Variants in CRACR2A observed in about 807,000 individuals in gnomAD.
CRACR2A encodes EF-hand calcium-binding domain-containing protein 4B.
CRACR2A carries 79 observed loss-of-function variants against 90.5 expected under a neutral mutation model. The observed-to-expected ratio is 0.87, with a 90% CI of 0.73 to 1.05. CRACR2A has a LOEUF of 1.05. Among genes scored for constraint, CRACR2A ranks in the 50% least tolerant of loss-of-function variants. CRACR2A has a pLI of 0.00. For missense variants in CRACR2A, 823 were observed against 897.2 expected (o/e 0.92, Z 1.06); for synonymous variants, 338 against 356.7 (o/e 0.95, Z 0.59).
At chr12:3,697,962 C>T (rs545295444) in intron 3 of CRACR2A, among the ~76,000 whole-genome samples, 10 of 152,318 alleles carry the variant, frequency 6.6e-5, no homozygotes, top group Non-Finnish European at 1.5e-4. Flanking sequence ...CTGGACTCCA[C>T]TGCTGCTTAT....
At chr12:3,673,649 C>A (rs1279805014) in intron 6 of CRACR2A, 57 bp from the exon 7 acceptor site, 1 of 1,578,830 alleles carries the variant, frequency 6.3e-7, no homozygotes, top group African/African-American at 1.4e-5. Context: ...ACGGGAAATA[C>A]AGAGGTTCCC....
chr12:3,625,366 CTCT>C (rs1182526967), intron 17 of CRACR2A, among the ~76,000 whole-genome samples: 4 of 151,796 alleles, frequency 2.6e-5, no homozygotes, highest in African/African-American at 7.3e-5. Flanking sequence ...ACTGTTCCAC[CTCT>C]TCTTCTAGAT....
chr12:3,738,557 G>T (rs2137886758), intron 1 of CRACR2A, among the ~76,000 whole-genome samples: 1 of 152,202 alleles, frequency 6.6e-6, no homozygotes. Flanking sequence ...ACAGTAAACT[G>T]GAAGCTGGGT....
At chr12:3,685,077 G>A (rs1231442450) in intron 4 of CRACR2A, among the ~76,000 whole-genome samples, 3 of 152,208 alleles carry the variant, frequency 2.0e-5, no homozygotes, top group Admixed American at 6.5e-5. Context: ...CCTCAGCATG[G>A]GCTGGAACCT....
intron 6 of CRACR2A, 133 bp downstream of exon 6, chr12:3,678,782 G>T: frequency 1.1e-6 from 1 of 893,840 alleles, no homozygotes; most frequent in Non-Finnish European, 1.6e-6. Flanking sequence ...CAGAACCAGC[G>T]GGCCTTTACC....
Position 3,641,616 on chromosome 12 carries a change from A to T in CRACR2A, c.1271+116T>A, listed in dbSNP as rs1041536556. The T allele has an allele frequency of 1.6e-5, 13 of 796,438 alleles. No individual in the cohort carries two copies. The African/African-American group carries it at 2.2e-4, about 14-fold the overall frequency. 49.3% of individuals were successfully genotyped at this position (796,438 alleles called of 1,614,324 possible). On this transcript the variant is annotated intron_variant, in intron 13 of 19. Coordinates refer to ENST00000440314, the MANE Select transcript of CRACR2A (RefSeq NM_001144958.2). ...TCCAAGATTTGAGGGGAGTGAGTGCAGCTGACCTCAGTTTCCGCACCTCTC... is the reference window on the plus strand; with the variant it reads ...TCCAAGATTTGAGGGGAGTGAGTGCTGCTGACCTCAGTTTCCGCACCTCTC...
In CRACR2A at chr12:3,633,551, A is replaced by T; in HGVS notation, c.1735+53T>A. The T allele has an allele frequency of 6.5e-7, 1 of 1,548,736 alleles. No homozygotes were observed. The highest frequency in any genetic ancestry group is 8.7e-7 in the Non-Finnish European group (1 of 1,145,100). On this transcript the variant is annotated intron_variant, in intron 15 of 19. Transcript: ENST00000440314. This position sits in a 1 kb window ranked among gnomAD's most constrained non-coding sequence, Gnocchi z 4.5. ...TCCCTGCCCCGGGCCCCCTTCTCAC[A>T]AACTCCCTTCCCAAAGATGGGCCTA... is the stretch of plus-strand genomic sequence containing the variant.
At chr12:3,638,993 G>A (rs184778409) in intron 13 of CRACR2A, among the ~76,000 whole-genome samples, 19 of 152,154 alleles carry the variant, frequency 1.2e-4, no homozygotes, top group Non-Finnish European at 2.1e-4. Context: ...GCTGTAAAAC[G>A]TGGCCCATCT....
intron 11 of CRACR2A, among the ~76,000 whole-genome samples, chr12:3,646,999 G>A (rs752392682): frequency 5.9e-5 from 9 of 152,200 alleles, no homozygotes; most frequent in Non-Finnish European, 1.2e-4. Flanking sequence ...GGTCACACAA[G>A]CTAATGAGAG....
intron 4 of CRACR2A, among the ~76,000 whole-genome samples, chr12:3,690,739 G>A (rs1329539414): frequency 1.3e-5 from 2 of 152,170 alleles, no homozygotes; most frequent in African/African-American, 4.8e-5. Context: ...TCATTGATCT[G>A]TCTAATACTG....
intron 7 of CRACR2A, among the ~76,000 whole-genome samples, chr12:3,666,695 C>T (rs183770086): frequency 6.6e-6 from 1 of 152,366 alleles, no homozygotes; most frequent in Non-Finnish European, 1.5e-5. Flanking sequence ...ACTGGAGCTC[C>T]AGCTAACGGC....
At chr12:3,717,084 C>T (rs736746) in intron 2 of CRACR2A, among the ~76,000 whole-genome samples, 20,722 of 151,976 alleles carry the variant, frequency 0.14, 1,605 homozygotes, top group Admixed American at 0.23. Flanking sequence ...TTCTGTGGAG[C>T]GAGTGGGATT....
chr12:3,673,573 G>A lies in CRACR2A; in HGVS notation c.544C>T (p.Leu182Phe), dbSNP rs757430649. ...VLEDESDVKQ[L>F]WLQLKKEEPH... ...TCCTCCTTCTTCAGCTGCAACCAGA[G>A]CTGCTTGACATCACTTTCACTGCAA... Residue 182 changes from leucine (L) to phenylalanine (F), a missense_variant, in exon 7 of 20, where the codon CTC (leucine) becomes TTC (phenylalanine). Leu to Phe is a conservative substitution (Grantham distance 22, BLOSUM62 0). Coordinates refer to ENST00000440314, the MANE Select transcript of CRACR2A (RefSeq NM_001144958.2). 6 of 1,613,682 alleles carry A rather than the reference G, an allele frequency of 3.7e-6. No homozygotes were observed. The East Asian group carries it at 1.3e-4, about 36-fold the overall frequency.
rs765588758 is a variant in CRACR2A, at chr12:3,617,569, G to C, written c.2035-539C>G. ...GGCACTCCGGTAGGAATTCTCTTTC[G>C]CACCAGTTAATTAATACTCTAGCTG... is the stretch of plus-strand genomic sequence containing the variant. On this transcript the variant is annotated intron_variant, in intron 18 of 19. Coordinates refer to ENST00000440314, the MANE Select transcript of CRACR2A (RefSeq NM_001144958.2). Among the ~76,000 whole-genome samples, 57 of 152,164 alleles carry C rather than the reference G, an allele frequency of 3.7e-4. 1 individual carries two copies. The highest frequency in any genetic ancestry group is 7.3e-4 in the Non-Finnish European group (50 of 68,042).
At chr12:3,722,880 T>C (rs1258342414) in intron 2 of CRACR2A, among the ~76,000 whole-genome samples, 1 of 152,214 alleles carries the variant, frequency 6.6e-6, no homozygotes, top group Non-Finnish European at 1.5e-5. Context: ...TCAGAAATGC[T>C]TTCTCATCCC....
chr12:3,708,183 G>A (rs935632188), intron 3 of CRACR2A, among the ~76,000 whole-genome samples: 1 of 152,158 alleles, frequency 6.6e-6, no homozygotes, highest in Non-Finnish European at 1.5e-5. Flanking sequence ...AGCCAGAAGT[G>A]CCTGGAAGTT....
At chr12:3,667,637 A>G (rs1945172034) in intron 7 of CRACR2A, among the ~76,000 whole-genome samples, 1 of 152,228 alleles carries the variant, frequency 6.6e-6, no homozygotes, top group Admixed American at 6.5e-5. Flanking sequence ...TGTGCTTGGA[A>G]TGGGAATGGT....
chr12:3,729,149 G>A (rs926292713), intron 2 of CRACR2A: 2 of 152,310 alleles, frequency 1.3e-5, no homozygotes, highest in South Asian at 4.1e-4. Context: ...TTCAGAAGGT[G>A]CTCAATACAT....
At chr12:3,733,506 C>T (rs1481959742) in intron 1 of CRACR2A, among the ~76,000 whole-genome samples, 2 of 152,118 alleles carry the variant, frequency 1.3e-5, no homozygotes, top group African/African-American at 2.4e-5. Context: ...GCTAGGGGTG[C>T]TCGGAGAAGT....
Sources: allele counts gnomAD v4.1 joint callset (sites outside exome capture counted in the v4.1 genomes callset), GRCh38; gene constraint gnomAD v4.1.1; non-coding constraint Gnocchi (gnomAD v3.1); transcripts MANE v1.5; gene names NCBI Gene and HGNC (gene_info 2026-07-23, HGNC 2026-07-21).